TM9SF1: variants seen among roughly 807,000 people sequenced by gnomAD.
TM9SF1 encodes MP70 protein family member.
Under a neutral mutation model 52.4 loss-of-function variants are expected in TM9SF1, and 25 were observed. The observed-to-expected ratio is 0.48, with a 90% CI of 0.35 to 0.67. TM9SF1 has a LOEUF of 0.67. Ranked by LOEUF, TM9SF1 falls within the 30% of genes least tolerant of loss-of-function variation. The pLI, the probability that TM9SF1 is intolerant of heterozygous loss-of-function variation, is 0.01. For synonymous variants in TM9SF1, 284 were observed against 299.8 expected, an observed-to-expected ratio of 0.95 and a Z score of 0.55; for missense variants, 604 against 780.3, an observed-to-expected ratio of 0.77 and a Z score of 2.69.
Position 24,192,104 on chromosome 14 carries a change from G to T in TM9SF1, c.1153+67C>A. On this transcript the variant is annotated intron_variant, in intron 4 of 5. Transcript: ENST00000261789. The surrounding 1 kb of genome is among the most constrained non-coding windows in gnomAD (Gnocchi z 4.0). ...TAGGATTACAGGTGTGAGCCACTGT[G>T]ACCAGCCACAATGTGTTCTTCATTC... 1 of 1,524,422 alleles carries T rather than the reference G, an allele frequency of 6.6e-7. No individual in the cohort carries two copies. The highest frequency in any genetic ancestry group is 1.1e-5 in the South Asian group (1 of 88,214). 94.4% of individuals were successfully genotyped at this position (1,524,422 alleles called of 1,614,324 possible). A position where few individuals can be genotyped will look rare whatever the true frequency, so the allele number is the denominator to read the frequency against.
chr14:24,190,401 A>G lies in TM9SF1; in HGVS notation c.1406T>C (p.Val469Ala), dbSNP rs1447204733. 6.3e-7 allele frequency: 1 copy of G among 1,593,488 alleles called. No homozygotes were observed. Among genetic ancestry groups the G allele is most frequent in the South Asian group, 1.1e-5 (1 of 88,714 alleles). The change falls in exon 5 of 6, where the codon GTT becomes GCT. Residue 469 changes from valine to alanine, a missense_variant. Coordinates refer to ENST00000261789, the MANE Select transcript of TM9SF1 (RefSeq NM_006405.7). ...WYKSTVIHMT[V>A]GGFLPFSAIS... ...ATACCTGAAAGGCAGGAAGCCTCCA[A>G]CAGTCATGTGGATGACAGTAGACTT...
rs1418543110 is a variant in TM9SF1 at position 24,190,632 on chromosome 14, C to T, written c.1175G>A (p.Ser392Asn). 1.2e-6 allele frequency: 2 copies of T among 1,612,392 alleles called. No individual in the cohort carries two copies. Among genetic ancestry groups the T allele is most frequent in the Non-Finnish European group, 1.7e-6 (2 of 1,178,814 alleles). Residue 392 changes from serine (S) to asparagine (N), a missense_variant, in exon 5 of 6, where the codon AGT becomes AAT. This residue lies in a region of TM9SF1 where 450 missense variants were observed against 560.1 expected (regional missense o/e 0.80). Coordinates refer to ENST00000261789, the MANE Select transcript of TM9SF1 (RefSeq NM_006405.7). ...LFSVPFFLTW[S>N]VVNSVHWANG... is the part of the protein sequence containing the mutation. ...GGCCCAATGCACTGAGTTCACCACA[C>T]TCCACGTCAGGAAGAAAGGCACTGC...
chr14:24,190,467 G>C lies in TM9SF1; in HGVS notation c.1340C>G (p.Thr447Ser). The change falls in exon 5 of 6, where the codon ACC (threonine) becomes AGC (serine). Residue 447 changes from threonine (T) to serine (S), a missense_variant. Physicochemically the swap from Thr to Ser is moderately conservative, Grantham distance 58 (BLOSUM62 1). Coordinates refer to ENST00000261789, the MANE Select transcript of TM9SF1 (RefSeq NM_006405.7). ...NASPFDAPCR[T>S]KNIAREIPPQ... ...TGGAATCTCCCGGGCGATGTTCTTG[G>C]TGCGACAGGGTGCATCAAAGGGGCT... is the stretch of plus-strand genomic sequence containing the variant. 4 of 1,614,126 alleles carry C rather than the reference G, an allele frequency of 2.5e-6. No homozygotes were observed. Among genetic ancestry groups the C allele is most frequent in the Non-Finnish European group, 3.4e-6 (4 of 1,179,992 alleles).
rs1287095839 is a variant in TM9SF1, at chr14:24,194,696, G to A, written c.324C>T (p.His108=). ...RENVEKRILC[H]MQLSSAQVEQ... The stretch of plus-strand genomic sequence containing the variant: ...TGACCTGTGCAGAACTGAGCTGCAT[G>A]TGGCACAGAATTCTCTTCTCCACGT... Residue 108 remains histidine, a synonymous_variant, in exon 2 of 6, where the codon CAC becomes CAT. Transcript: ENST00000261789. The A allele has an allele frequency of 1.2e-6, 2 of 1,614,002 alleles. No individual in the cohort carries two copies. Among genetic ancestry groups the A allele is most frequent in the Non-Finnish European group, 1.7e-6 (2 of 1,179,946 alleles).
In TM9SF1 at chr14:24,192,535, C is replaced by G. The variant is rs557307298; in HGVS notation, c.967+113G>C. ...GCATTCTTGCTAGAGCCACCCTATC[C>G]CTTAGGTCTGCCCCTCTGGATAGAA... On this transcript the variant is annotated intron_variant, in intron 3 of 5. Transcript: ENST00000261789. This position sits in a 1 kb window ranked among gnomAD's most constrained non-coding sequence, Gnocchi z 4.0. The G allele has an allele frequency of 1.3e-4, 188 of 1,427,394 alleles. No individual in the cohort carries two copies. Among genetic ancestry groups the G allele is most frequent in the Non-Finnish European group, 1.6e-4 (172 of 1,056,540 alleles). The allele number at this position is 1,427,394 out of a possible 1,614,324, so 88.4% of individuals were successfully genotyped here.
intron 4 of TM9SF1, 27 bp from the exon 5 acceptor site, chr14:24,190,680 G>C (rs1219101766): frequency 1.3e-6 from 2 of 1,585,358 alleles, no homozygotes; most frequent in South Asian, 2.3e-5. Context: ...CCGGAGGGAG[G>C]GTCAACACTA....
chr14:24,190,522 T>C lies in TM9SF1; in HGVS notation c.1285A>G (p.Ile429Val). The C allele has an allele frequency of 6.2e-7, 1 of 1,614,082 alleles. No homozygotes were observed. The highest frequency in any genetic ancestry group is 8.5e-7 in the Non-Finnish European group (1 of 1,180,014). The change falls in exon 5 of 6, where the codon ATT (isoleucine) becomes GTT (valine). Residue 429 changes from isoleucine to valine, a missense_variant. Physicochemically the swap from Ile to Val is conservative, Grantham distance 29 (BLOSUM62 3). Transcript: ENST00000261789. ...TTGTTCTTCCCAAAGATGCCTCCAATGACAGTGAGGGGAAAGCCCACCAGC... is the reference window on the plus strand; with the variant it reads ...TTGTTCTTCCCAAAGATGCCTCCAACGACAGTGAGGGGAAAGCCCACCAGC... ...WLLVGFPLTV[I>V]GGIFGKNNAS...
Position 24,193,037 on chromosome 14 carries a change from C to A in TM9SF1, c.578G>T (p.Arg193Leu). 1 of 1,614,174 alleles carries A rather than the reference C, an allele frequency of 6.2e-7. No homozygotes were observed. ...GGTAAGGCCTAGGAACTCGTCAGGT[C>A]GTAACCCATCCAAGCTGTGGGGCTT... ...DVKPHSLDGL[R>L]PDEFLGLTHT... is the part of the protein sequence containing the mutation. Residue 193 changes from arginine (R) to leucine (L), a missense_variant, in exon 3 of 6, where the codon CGA becomes CTA. By Grantham distance (102) the Arg-to-Leu change is moderately radical. This residue lies in a region of TM9SF1 where 450 missense variants were observed against 560.1 expected (regional missense o/e 0.80). Transcript: ENST00000261789.
Position 24,189,535 on chromosome 14 carries a change from T to C in TM9SF1, c.1701A>G (p.Val567=), listed in dbSNP as rs772587672. The C allele has an allele frequency of 9.9e-6, 16 of 1,614,086 alleles. No homozygotes were observed. The change falls in exon 6 of 6, where the codon GTA becomes GTG. Residue 567 remains valine, a synonymous_variant. Transcript: ENST00000261789. ...RSNMSGAVQT[V]EFFGYSLLTG... ...TGAGTAAGGAGTAGCCGAAGAACTC[T>C]ACTGTCTGTACTGCCCCAGACATGT...
In TM9SF1 at chr14:24,189,340, G is replaced by C. The variant is rs1161307011; in HGVS notation, c.*75C>G. On this transcript the variant is annotated 3_prime_UTR_variant, in exon 6 of 6. Coordinates refer to ENST00000261789, the MANE Select transcript of TM9SF1 (RefSeq NM_006405.7). ...TGCCATCACACAATTCAGTCAATCA[G>C]AAGAGAAGCTGGTAGGAGAGTTCAA... 3.4e-6 allele frequency: 5 copies of C among 1,473,124 alleles called. No homozygotes were observed. The East Asian group carries it at 6.8e-5, about 20-fold the overall frequency. The allele number at this position is 1,473,124 out of a possible 1,614,324, so 91.3% of individuals were successfully genotyped here.
Position 24,189,319 on chromosome 14 carries a change from A to G in TM9SF1, c.*96T>C, listed in dbSNP as rs1433638489. 2.9e-6 allele frequency: 4 copies of G among 1,373,806 alleles called. No individual in the cohort carries two copies. The highest frequency in any genetic ancestry group is 2.9e-5 in the South Asian group (2 of 69,680). The allele number at this position is 1,373,806 out of a possible 1,614,324, so 85.1% of individuals were successfully genotyped here. On this transcript the variant is annotated 3_prime_UTR_variant, in exon 6 of 6. Transcript: ENST00000261789. ...GGGCAAAAGGGAAGGCAACAATGCCATCACACAATTCAGTCAATCAGAAGA... is the reference window on the plus strand; with the variant it reads ...GGGCAAAAGGGAAGGCAACAATGCCGTCACACAATTCAGTCAATCAGAAGA...
chr14:24,191,968 C>T (rs112679565), intron 4 of TM9SF1: 58,462 of 529,538 alleles, frequency 0.11, 4,139 homozygotes, highest in Non-Finnish European at 0.15. Flanking sequence ...AGATGTGAAC[C>T]ACCATGCCCG....
In TM9SF1 at chr14:24,190,533, G is replaced by C. The variant is rs1198342743; in HGVS notation, c.1274C>G (p.Pro425Arg). The C allele has an allele frequency of 1.2e-6, 2 of 1,614,160 alleles. No homozygotes were observed. The highest frequency in any genetic ancestry group is 3.3e-5 in the Admixed American group (2 of 60,014). Residue 425 changes from proline (P) to arginine (R), a missense_variant, in exon 5 of 6, where the codon CCC (proline) becomes CGC (arginine). By Grantham distance (103) the Pro-to-Arg change is moderately radical. Coordinates refer to ENST00000261789, the MANE Select transcript of TM9SF1 (RefSeq NM_006405.7). The stretch of plus-strand genomic sequence containing the variant: ...AAAGATGCCTCCAATGACAGTGAGG[G>C]GAAAGCCCACCAGCAGCCAAACCGT... Reference protein sequence around the residue: ...LLTVWLLVGFPLTVIGGIFGK... With the variant: ...LLTVWLLVGFRLTVIGGIFGK...
chr14:24,194,003 T>C (rs988279055), intron 2 of TM9SF1, among the ~76,000 whole-genome samples: 4 of 152,040 alleles, frequency 2.6e-5, no homozygotes, highest in Non-Finnish European at 5.9e-5. Flanking sequence ...ATAGTGGGGT[T>C]ATCCCGTGCA....
intron 4 of TM9SF1, among the ~76,000 whole-genome samples, chr14:24,190,868 T>G (rs1486914864): frequency 7.3e-6 from 1 of 136,890 alleles, no homozygotes; most frequent in African/African-American, 2.8e-5. Flanking sequence ...TTTTTTTTTT[T>G]TTTTTTTTTT....
Position 24,192,274 on chromosome 14 carries a change from G to A in TM9SF1, c.1050C>T (p.Ala350=). ...CGTAGCCAGAGATGCAGCAGGTCAG[G>A]GCATACAACAAGATGGCTGCTGAGT... The part of the protein sequence containing the change: ...AINSAAILLY[A]LTCCISGYVS... The change falls in exon 4 of 6, where the codon GCC becomes GCT. Residue 350 remains alanine (A), a synonymous_variant. Transcript: ENST00000261789. The surrounding 1 kb of genome is among the most constrained non-coding windows in gnomAD (Gnocchi z 4.0). 2 of 1,614,160 alleles carry A rather than the reference G, an allele frequency of 1.2e-6. No individual in the cohort carries two copies. The highest frequency in any genetic ancestry group is 8.5e-7 in the Non-Finnish European group (1 of 1,180,018).
intron 2 of TM9SF1, among the ~76,000 whole-genome samples, chr14:24,193,683 G>C (rs1375080190): frequency 6.6e-6 from 1 of 150,870 alleles, no homozygotes; most frequent in African/African-American, 2.4e-5. Flanking sequence ...CACTTTGGGA[G>C]GCCGAGGCGG....
In TM9SF1 at chr14:24,193,354, G is replaced by T. The variant is rs1046410774; in HGVS notation, c.346-85C>A. 2.1e-6 allele frequency: 3 copies of T among 1,424,778 alleles called. No homozygotes were observed. The African/African-American group carries it at 4.3e-5, about 20-fold the overall frequency. The allele number at this position is 1,424,778 out of a possible 1,614,324, so 88.3% of individuals were successfully genotyped here. On this transcript the variant is annotated intron_variant, in intron 2 of 5. Transcript: ENST00000261789. ...AAAGTTTCTCACCTTCAGCACTACT[G>T]ATATTTTGGGGTGGATAATTCTTTT...
intron 5 of TM9SF1, 159 bp from the exon 6 acceptor site, chr14:24,189,967 A>C (rs2039292381): frequency 1.4e-6 from 2 of 1,392,504 alleles, no homozygotes; most frequent in African/African-American, 2.9e-5. Context: ...CTTCATGGGG[A>C]TTTTTTGCCT....
Sources: allele counts gnomAD v4.1 joint callset (sites outside exome capture counted in the v4.1 genomes callset), GRCh38; gene constraint gnomAD v4.1.1; regional missense constraint gnomAD v4.1.1; non-coding constraint Gnocchi (gnomAD v3.1); transcripts MANE v1.5; gene names NCBI Gene and HGNC (gene_info 2026-07-23, HGNC 2026-07-21).